The following YIPF1 variants were observed in gnomAD, a reference collection of about 807,000 sequenced individuals.
YIPF1 encodes the protein Yip1 domain family member 1, also known as protein YIPF1.
Under a neutral mutation model 37.0 loss-of-function variants are expected in YIPF1, and 22 were observed. The observed-to-expected ratio is 0.59, with a 90% CI of 0.42 to 0.85. The LOEUF is 0.85. YIPF1 is among the 40% of genes least tolerant of loss of function. YIPF1 has a pLI of 0.00. For synonymous variants in YIPF1, 128 were observed against 131.9 expected, an observed-to-expected ratio of 0.97 and a Z score of 0.21; for missense variants, 355 against 373.1, an observed-to-expected ratio of 0.95 and a Z score of 0.40.
intron 9 of YIPF1, among the ~76,000 whole-genome samples, chr1:53,865,885 C>T (rs1031605608): frequency 2.0e-5 from 3 of 152,032 alleles, no homozygotes; most frequent in Non-Finnish European, 2.9e-5. Context: ...TGGGCTCAAG[C>T]GATCCTCTCA....
At chr1:53,878,211 C>T in intron 6 of YIPF1, 104 bp downstream of exon 6, 5 of 1,120,874 alleles carry the variant, frequency 4.5e-6, no homozygotes, top group Non-Finnish European at 6.6e-6. Flanking sequence ...TCTAATAATA[C>T]ATGGCATGCC....
chr1:53,858,283 G>A (rs1159056977), intron 10 of YIPF1, among the ~76,000 whole-genome samples: 2 of 152,144 alleles, frequency 1.3e-5, no homozygotes, highest in African/African-American at 4.8e-5. Flanking sequence ...TTAAGGAACT[G>A]GAAAGCATTT....
chr1:53,867,706 G>A (rs1650070583), intron 7 of YIPF1, among the ~76,000 whole-genome samples: 2 of 152,216 alleles, frequency 1.3e-5, no homozygotes, highest in African/African-American at 4.8e-5. Flanking sequence ...GCCTTGGGTA[G>A]AGATTAACTT....
rs555071766 is a variant in YIPF1 at position 53,885,406 on chromosome 1, G to A, written c.32-2130C>T. The stretch of plus-strand genomic sequence containing the variant: ...ACTGGTGGTCCCAGCTACTTGGGAC[G>A]CTGAGGCAGGAGAATCGCTTGAACC... On this transcript the variant is annotated intron_variant, in intron 3 of 10. Transcript: ENST00000072644. Among the ~76,000 whole-genome samples the A allele has an allele frequency of 2.6e-5, 4 of 152,334 alleles. No individual in the cohort carries two copies. In the South Asian group the frequency reaches 6.2e-4, roughly 24 times the overall value.
chr1:53,889,022 C>G, intron 2 of YIPF1, 36 bp from the exon 3 acceptor site: 1 of 1,220,628 alleles, frequency 8.2e-7, no homozygotes, highest in Non-Finnish European at 1.2e-6. Context: ...AATAGGATGA[C>G]AGTATAAAGT....
intron 3 of YIPF1, among the ~76,000 whole-genome samples, chr1:53,888,349 T>C (rs1650711711): frequency 6.6e-6 from 1 of 152,234 alleles, no homozygotes. Context: ...TAGGTATATA[T>C]TTAAATGATC....
chr1:53,872,556 T>C (rs1354838491), intron 6 of YIPF1, among the ~76,000 whole-genome samples: 1 of 152,248 alleles, frequency 6.6e-6, no homozygotes, highest in Admixed American at 6.5e-5. Flanking sequence ...AAAAGTACTA[T>C]GTAGAACAAA....
chr1:53,875,159 T>C (rs888222874), intron 6 of YIPF1, among the ~76,000 whole-genome samples: 4 of 152,184 alleles, frequency 2.6e-5, no homozygotes, highest in Admixed American at 1.3e-4. Flanking sequence ...CATACAAAAG[T>C]TTCCACTGCT....
chr1:53,886,408 C>T (rs376893074), intron 3 of YIPF1, among the ~76,000 whole-genome samples: 2 of 151,970 alleles, frequency 1.3e-5, no homozygotes, highest in African/African-American at 4.9e-5. Flanking sequence ...CTGCCACCAA[C>T]ATTCTCTGCT....
In YIPF1 at chr1:53,883,241, G is replaced by T. The variant is rs200937198; in HGVS notation, c.67C>A (p.Pro23Thr). 54 of 1,585,134 alleles carry T rather than the reference G, an allele frequency of 3.4e-5. No individual in the cohort carries two copies. In the East Asian group the frequency reaches 9.3e-4, roughly 27 times the overall value. Residue 23 changes from proline to threonine, a missense_variant, in exon 4 of 11, where the codon CCA (proline) becomes ACA (threonine). Pro to Thr is a conservative substitution (Grantham distance 38, BLOSUM62 -1). Transcript: ENST00000072644. ...TCAATGTTTACTGTGGTGGCATCTG[G>T]GTTTGCTGTCAGAGAAGTGGCTGCA... is the stretch of plus-strand genomic sequence containing the variant. ...GNAATSLTAN[P>T]DATTVNIEDP...
At chr1:53,861,541 G>C (rs1184729673) in intron 9 of YIPF1, among the ~76,000 whole-genome samples, 4 of 151,858 alleles carry the variant, frequency 2.6e-5, no homozygotes, top group Non-Finnish European at 5.9e-5. Context: ...TAGAAAAGAT[G>C]ATCTTGGGGC....
intron 6 of YIPF1, among the ~76,000 whole-genome samples, chr1:53,878,017 G>A (rs1202576654): frequency 6.6e-6 from 1 of 152,150 alleles, no homozygotes; most frequent in Admixed American, 6.6e-5. Flanking sequence ...CCTAGCCTCT[G>A]GCAATCCTCC....
intron 10 of YIPF1, among the ~76,000 whole-genome samples, chr1:53,858,066 G>A (rs1649769839): frequency 6.6e-6 from 1 of 152,038 alleles, no homozygotes. Flanking sequence ...GGTGGCCTTG[G>A]GTAAGGCACT....
At chr1:53,874,840 T>C (rs558875590) in intron 6 of YIPF1, among the ~76,000 whole-genome samples, 2 of 152,342 alleles carry the variant, frequency 1.3e-5, no homozygotes, top group African/African-American at 4.8e-5. Context: ...AAAATCATTG[T>C]GCTAAGATTT....
intron 6 of YIPF1, 144 bp from the exon 7 acceptor site, chr1:53,871,632 A>C: frequency 1.5e-6 from 1 of 663,038 alleles, no homozygotes; most frequent in South Asian, 2.2e-5. Context: ...GCTGAAGGGA[A>C]ATTTTTTTTT....
chr1:53,881,371 G>A (rs11799506), intron 4 of YIPF1, among the ~76,000 whole-genome samples: 2,657 of 152,138 alleles, frequency 0.017, 80 homozygotes, highest in African/African-American at 0.061. Context: ...TGACAAATGG[G>A]ATCTAATTAA....
chr1:53,887,537 T>A (rs1359113794), intron 3 of YIPF1, among the ~76,000 whole-genome samples: 1 of 151,786 alleles, frequency 6.6e-6, no homozygotes, highest in African/African-American at 2.4e-5. Flanking sequence ...AGGCTATAAT[T>A]CAGAAAAAAG....
chr1:53,865,188 T>C (rs1649984713), intron 9 of YIPF1, among the ~76,000 whole-genome samples: 1 of 152,218 alleles, frequency 6.6e-6, no homozygotes, highest in Non-Finnish European at 1.5e-5. Flanking sequence ...CTTTAAACTT[T>C]AAACTTTCTA....
chr1:53,866,529 C>A (rs1650029253), intron 8 of YIPF1, 147 bp from the exon 9 acceptor site: 2 of 990,434 alleles, frequency 2.0e-6, no homozygotes, highest in South Asian at 3.4e-5. Context: ...AGGAACACCA[C>A]CAGCATGTAG....
Sources: gnomAD v4.1 joint callset for allele counts (sites outside exome capture counted in the v4.1 genomes callset) on GRCh38, gnomAD v4.1.1 for gene constraint, MANE v1.5 for transcripts, NCBI Gene and HGNC (gene_info 2026-07-23, HGNC 2026-07-21) for gene names.